EPCIP: variants seen among roughly 807,000 people sequenced by gnomAD.
EPCIP encodes the protein exosomal polycystin 1 interacting protein.
At chr21:32,800,479 G>C in the EPCIP span, among the ~76,000 whole-genome samples, 1 of 152,176 alleles carries the variant, frequency 6.6e-6, no homozygotes, top group Non-Finnish European at 1.5e-5. Context: ...TGATTTAAAG[G>C]CTCAAATATT....
chr21:32,801,174 C>T, the EPCIP span, among the ~76,000 whole-genome samples: 1 of 152,328 alleles, frequency 6.6e-6, no homozygotes, highest in Admixed American at 6.5e-5. Context: ...GCACACCCCT[C>T]TTCCCCCTTA....
the EPCIP span, among the ~76,000 whole-genome samples, chr21:32,805,795 T>A: frequency 6.6e-6 from 1 of 152,210 alleles, no homozygotes; most frequent in Non-Finnish European, 1.5e-5. Context: ...TGTTTGCTAA[T>A]TACATTATGT....
the EPCIP span, among the ~76,000 whole-genome samples, chr21:32,799,801 G>C: frequency 6.6e-6 from 1 of 152,124 alleles, no homozygotes; most frequent in Non-Finnish European, 1.5e-5. Context: ...AATTAGCCAG[G>C]TGTGGTGGTG....
the EPCIP span, among the ~76,000 whole-genome samples, chr21:32,809,835 G>A: frequency 6.6e-6 from 1 of 151,902 alleles, no homozygotes; most frequent in Non-Finnish European, 1.5e-5. Context: ...TGGGGGAATA[G>A]GTGACAGTTC....
At chr21:32,810,991 A>G in the EPCIP span, among the ~76,000 whole-genome samples, 1 of 152,234 alleles carries the variant, frequency 6.6e-6, no homozygotes, top group African/African-American at 2.4e-5. Flanking sequence ...AAATTGAATG[A>G]AATCAGGAAC....
At chr21:32,805,876 A>G in the EPCIP span, among the ~76,000 whole-genome samples, 2 of 152,158 alleles carry the variant, frequency 1.3e-5, no homozygotes, top group Non-Finnish European at 2.9e-5. Context: ...ATGCTCCCAT[A>G]GAATAGTCAC....
At chr21:32,813,100 C>T in the EPCIP span, among the ~76,000 whole-genome samples, 1 of 152,058 alleles carries the variant, frequency 6.6e-6, no homozygotes, top group Non-Finnish European at 1.5e-5. Context: ...GAAACAGTAT[C>T]AGCCGGTGTT....
chr21:32,808,297 GA>G, the EPCIP span, among the ~76,000 whole-genome samples: 2,210 of 132,308 alleles, frequency 0.017, 51 homozygotes, highest in African/African-American at 0.052. Flanking sequence ...GGAGATGAGA[GA>G]AAAAAAAAAA....
At chr21:32,807,940 C>T in the EPCIP span, among the ~76,000 whole-genome samples, 7 of 152,184 alleles carry the variant, frequency 4.6e-5, no homozygotes, top group Non-Finnish European at 8.8e-5. Context: ...GAGGAGGAAG[C>T]GTGAAATACA....
chr21:32,812,586 T>C, the EPCIP span, among the ~76,000 whole-genome samples: 1 of 152,110 alleles, frequency 6.6e-6, no homozygotes, highest in Non-Finnish European at 1.5e-5. Context: ...TAATGAAAAG[T>C]CTTTTTTTTT....
the EPCIP span, chr21:32,793,736 C>G: frequency 6.2e-7 from 1 of 1,609,902 alleles, no homozygotes; most frequent in Non-Finnish European, 8.5e-7. Flanking sequence ...TGCCAAAGTT[C>G]CAGGCAGCTG....
chr21:32,811,191 C>G, the EPCIP span, among the ~76,000 whole-genome samples: 12 of 151,164 alleles, frequency 7.9e-5, no homozygotes, highest in African/African-American at 2.7e-4. Flanking sequence ...AGTGCAGTGG[C>G]ACTATCTCGG....
chr21:32,796,657 G>T, the EPCIP span, among the ~76,000 whole-genome samples: 1 of 152,196 alleles, frequency 6.6e-6, no homozygotes, highest in African/African-American at 2.4e-5. Context: ...TGAACAAGAG[G>T]CTTAACAGTC....
the EPCIP span, among the ~76,000 whole-genome samples, chr21:32,800,105 C>G: frequency 6.6e-6 from 1 of 152,194 alleles, no homozygotes; most frequent in Admixed American, 6.5e-5. Context: ...CTATAGAGCT[C>G]AGAACATCAT....
the EPCIP span, chr21:32,794,589 A>T: frequency 1.5e-6 from 1 of 673,666 alleles, no homozygotes. Flanking sequence ...TCTTTCTTGC[A>T]GTTCTAGTAA....
the EPCIP span, among the ~76,000 whole-genome samples, chr21:32,793,162 G>T: frequency 6.6e-6 from 1 of 151,942 alleles, no homozygotes. Flanking sequence ...TCTCCATGTT[G>T]GTCAGGCTGG....
the EPCIP span, among the ~76,000 whole-genome samples, chr21:32,812,577 A>G: frequency 6.6e-6 from 1 of 152,330 alleles, no homozygotes; most frequent in South Asian, 2.1e-4. Flanking sequence ...AAAAAAAAGT[A>G]ATGAAAAGTC....
the EPCIP span, among the ~76,000 whole-genome samples, chr21:32,792,587 A>G: frequency 1.3e-5 from 2 of 152,222 alleles, no homozygotes; most frequent in Non-Finnish European, 2.9e-5. Context: ...ATGGTATAGC[A>G]GGGGCAAAGA....
At chr21:32,801,346 CAAAAG>C in the EPCIP span, among the ~76,000 whole-genome samples, 4 of 152,134 alleles carry the variant, frequency 2.6e-5, no homozygotes, top group African/African-American at 9.7e-5. Flanking sequence ...CCTCTTTTCT[CAAAAG>C]AAAATGAGAA....
Sources: allele counts gnomAD v4.1 joint callset (sites outside exome capture counted in the v4.1 genomes callset), GRCh38; gene constraint gnomAD v4.1.1; transcripts MANE v1.5; gene names NCBI Gene and HGNC (gene_info 2026-07-23, HGNC 2026-07-21).